Variants in WWOX observed in about 807,000 individuals in gnomAD.
WWOX encodes WW domain-containing oxidoreductase.
In WWOX, 69 loss-of-function variants were observed where a neutral mutation model predicts 46.2. That is an observed-to-expected ratio of 1.49 (90% CI 1.23 to 1.82). The LOEUF is 1.82. WWOX is among the 40% of genes most tolerant of loss of function. The probability of loss-of-function intolerance (pLI) is 0.00; values close to 1 mark genes in which losing one functional copy is unlikely to be tolerated. For synonymous variants in WWOX, 359 were observed against 202.6 expected (o/e 1.77, Z -6.56); for missense variants, 919 against 542.6 (o/e 1.69, Z -6.89).
chr16:79,002,352 T>C (rs569099436), intron 8 of WWOX, among the ~76,000 whole-genome samples: 2 of 150,962 alleles, frequency 1.3e-5, no homozygotes, highest in South Asian at 4.2e-4. Context: ...GCCTCCTGAG[T>C]AGCTGGGATA....
At chr16:78,768,985 G>A (rs1229750856) in intron 8 of WWOX, among the ~76,000 whole-genome samples, 1 of 152,092 alleles carries the variant, frequency 6.6e-6, no homozygotes, top group Non-Finnish European at 1.5e-5. Context: ...CAGAAGGTGT[G>A]GTTCAAAGAT....
At chr16:78,358,215 A>G (rs1396451195) in intron 5 of WWOX, among the ~76,000 whole-genome samples, 1 of 152,152 alleles carries the variant, frequency 6.6e-6, no homozygotes, top group Non-Finnish European at 1.5e-5. Flanking sequence ...TCTTGTATTT[A>G]CAAAAAAAAG....
chr16:78,567,634 G>A lies in WWOX; in HGVS notation c.1056+134882G>A, dbSNP rs540853053. On this transcript the variant is annotated intron_variant, in intron 8 of 8. Transcript: ENST00000566780. The stretch of plus-strand genomic sequence containing the variant: ...CCCAAGCTCGCCGCAGCCTGCTATT[G>A]TATTTAAAGGGTGCCCTTTGCTGCG... 7.3e-5 allele frequency among the ~76,000 whole-genome samples: 11 copies of A among 150,176 alleles called. No individual in the cohort carries two copies. In the South Asian group the frequency reaches 1.5e-3, roughly 20 times the overall value.
intron 8 of WWOX, among the ~76,000 whole-genome samples, chr16:79,073,187 T>TTATTAC (rs984352466): frequency 1.5e-4 from 19 of 128,728 alleles, no homozygotes; most frequent in East Asian, 8.1e-4. Context: ...ATTATTATTA[T>TTATTAC]TATTACTGAG....
In WWOX at chr16:78,815,709, C is replaced by T. The variant is rs143823296; in HGVS notation, c.1056+382957C>T. 7.9e-4 allele frequency among the ~76,000 whole-genome samples: 120 copies of T among 152,280 alleles called. No individual in the cohort carries two copies. The East Asian group carries it at 0.021, about 26-fold the overall frequency. On this transcript the variant is annotated intron_variant, in intron 8 of 8. Transcript: ENST00000566780. Reference sequence around the variant, plus strand: ...TCCCTTCCTGTTCTTTTAAGGAAATCTGAAAAGGAGCAAAAGAGCTTTAGA... The same window carrying T: ...TCCCTTCCTGTTCTTTTAAGGAAATTTGAAAAGGAGCAAAAGAGCTTTAGA...
intron 4 of WWOX, among the ~76,000 whole-genome samples, chr16:78,163,237 A>G (rs1426925874): frequency 6.6e-6 from 1 of 152,186 alleles, no homozygotes; most frequent in Admixed American, 6.5e-5. Flanking sequence ...TCCAGAGAAC[A>G]TTTTCTCTTG....
chr16:78,952,078 C>G (rs980654022), intron 8 of WWOX, among the ~76,000 whole-genome samples: 1 of 152,106 alleles, frequency 6.6e-6, no homozygotes, highest in Non-Finnish European at 1.5e-5. Flanking sequence ...CCTACAATCC[C>G]TCGACCCAGT....
intron 6 of WWOX, among the ~76,000 whole-genome samples, chr16:78,413,686 G>C (rs1033427512): frequency 1.3e-5 from 2 of 151,900 alleles, no homozygotes; most frequent in African/African-American, 4.8e-5. Flanking sequence ...GGCTTAGCCT[G>C]GGCTCAGAGG....
intron 6 of WWOX, among the ~76,000 whole-genome samples, chr16:78,420,635 T>G (rs557540604): frequency 4.8e-5 from 7 of 145,966 alleles, no homozygotes; most frequent in African/African-American, 1.9e-4. Flanking sequence ...AGATAGAGGG[T>G]GGCTAGTGAT....
intron 8 of WWOX, among the ~76,000 whole-genome samples, chr16:78,881,928 T>G (rs2044350892): frequency 6.6e-6 from 1 of 152,048 alleles, no homozygotes; most frequent in Non-Finnish European, 1.5e-5. Context: ...TTTGAGATAA[T>G]CCTGGCCAAC....
intron 8 of WWOX, chr16:78,873,251 G>A (rs1415659695): frequency 6.6e-6 from 1 of 152,124 alleles, no homozygotes; most frequent in East Asian, 1.9e-4. Flanking sequence ...TTAAAAATTT[G>A]TTTTAGATAG....
chr16:79,019,208 A>T (rs1003576043), intron 8 of WWOX, among the ~76,000 whole-genome samples: 3 of 147,952 alleles, frequency 2.0e-5, no homozygotes, highest in African/African-American at 7.5e-5. Flanking sequence ...TTGGAATGAC[A>T]TCAGACTCAA....
intron 8 of WWOX, among the ~76,000 whole-genome samples, chr16:78,614,559 T>C (rs2045976485): frequency 6.6e-6 from 1 of 152,168 alleles, no homozygotes; most frequent in African/African-American, 2.4e-5. Flanking sequence ...ATTGAACACC[T>C]GTTGATGCCA....
chr16:78,429,756 C>A (rs568024418), intron 7 of WWOX, among the ~76,000 whole-genome samples: 3 of 152,208 alleles, frequency 2.0e-5, no homozygotes, highest in East Asian at 1.9e-4. Flanking sequence ...ACATAACTTA[C>A]ATGCACAAAT....
At chr16:78,446,862 T>G (rs1248288439) in intron 8 of WWOX, among the ~76,000 whole-genome samples, 1 of 152,036 alleles carries the variant, frequency 6.6e-6, no homozygotes, top group Admixed American at 6.6e-5. Flanking sequence ...AGTTTTGCCA[T>G]GTTCACCAGG....
chr16:78,141,372 G>T (rs2033979364), intron 4 of WWOX, among the ~76,000 whole-genome samples: 1 of 150,788 alleles, frequency 6.6e-6, no homozygotes, highest in African/African-American at 2.4e-5. Flanking sequence ...GTTTTCACAG[G>T]TCTCTGCTTA....
intron 8 of WWOX, among the ~76,000 whole-genome samples, chr16:78,631,871 C>G (rs1034834715): frequency 6.6e-6 from 1 of 152,088 alleles, no homozygotes; most frequent in Non-Finnish European, 1.5e-5. Flanking sequence ...AGCTTGCTCT[C>G]TTTTTATTGG....
At chr16:79,180,163 A>G (rs904208903) in intron 8 of WWOX, among the ~76,000 whole-genome samples, 16 of 152,220 alleles carry the variant, frequency 1.1e-4, no homozygotes, top group African/African-American at 3.9e-4. Flanking sequence ...GGGTACATCA[A>G]AACGACGCTG....
At chr16:78,562,700 A>G (rs2044467846) in intron 8 of WWOX, among the ~76,000 whole-genome samples, 1 of 152,178 alleles carries the variant, frequency 6.6e-6, no homozygotes. Flanking sequence ...GCACTCACTG[A>G]CAATCTGATC....
Sources: allele counts gnomAD v4.1 joint callset (sites outside exome capture counted in the v4.1 genomes callset), GRCh38; gene constraint gnomAD v4.1.1; transcripts MANE v1.5; gene names NCBI Gene and HGNC (gene_info 2026-07-23, HGNC 2026-07-21).